Variants in SOX5 observed in about 807,000 individuals in gnomAD.
The protein encoded by SOX5 is SRY-box transcription factor 5, also known as transcription factor SOX-5.
A neutral mutation model predicts 92.0 loss-of-function variants in SOX5; 9 were observed. That is an observed-to-expected ratio of 0.10 (90% CI 0.06 to 0.17). SOX5 has a LOEUF of 0.17. Ranked by LOEUF, SOX5 falls within the 10% of genes least tolerant of loss-of-function variation. SOX5 has a pLI of 1.00. For synonymous variants in SOX5, 344 were observed against 336.3 expected, an observed-to-expected ratio of 1.02 and a Z score of -0.25; for missense variants, 642 against 944.5, an observed-to-expected ratio of 0.68 and a Z score of 4.20.
At chr12:23,620,389 C>T (rs961891500) in intron 8 of SOX5, among the ~76,000 whole-genome samples, 34 of 152,108 alleles carry the variant, frequency 2.2e-4, no homozygotes, top group African/African-American at 8.2e-4. Context: ...ACCTACAACC[C>T]ACTTTTAATT....
chr12:24,356,002 T>C (rs577233869), intron 2 of SOX5, among the ~76,000 whole-genome samples: 1 of 151,776 alleles, frequency 6.6e-6, no homozygotes, highest in Non-Finnish European at 1.5e-5. Flanking sequence ...AATTTATTCT[T>C]TGTGGATTTA....
chr12:24,083,092 A>G (rs1168218286), intron 4 of SOX5, among the ~76,000 whole-genome samples: 1 of 152,012 alleles, frequency 6.6e-6, no homozygotes, highest in Non-Finnish European at 1.5e-5. Flanking sequence ...TTGACAGCAT[A>G]TAGATTTTCA....
intron 1 of SOX5, among the ~76,000 whole-genome samples, chr12:24,463,517 T>C (rs1233674773): frequency 2.6e-5 from 4 of 152,208 alleles, no homozygotes; most frequent in Non-Finnish European, 4.4e-5. Context: ...TTTAAATTTC[T>C]AAACGCTTAC....
chr12:23,864,118 T>C (rs1161001716), intron 2 of SOX5, among the ~76,000 whole-genome samples: 1 of 152,122 alleles, frequency 6.6e-6, no homozygotes, highest in Non-Finnish European at 1.5e-5. Flanking sequence ...ATTATAATTA[T>C]TTCTACTTGG....
At chr12:24,555,120 T>C (rs1174148245) in intron 1 of SOX5, among the ~76,000 whole-genome samples, 1 of 152,216 alleles carries the variant, frequency 6.6e-6, no homozygotes, top group Non-Finnish European at 1.5e-5. Flanking sequence ...TGAGGGCCAC[T>C]TGAGTTCAGT....
intron 1 of SOX5, among the ~76,000 whole-genome samples, chr12:24,428,727 A>C (rs1233941815): frequency 8.5e-4 from 14 of 16,478 alleles, no homozygotes; most frequent in South Asian, 7.5e-3. Flanking sequence ...TCTGTTTCTC[A>C]AAAAAAAAAA....
At chr12:24,031,495 T>C (rs1189620857) in intron 4 of SOX5, among the ~76,000 whole-genome samples, 2 of 151,706 alleles carry the variant, frequency 1.3e-5, no homozygotes, top group African/African-American at 4.8e-5. Flanking sequence ...CTGACAGAAG[T>C]AGAAAGTAGA....
chr12:24,180,510 C>A (rs1223664899), intron 4 of SOX5, among the ~76,000 whole-genome samples: 1 of 152,148 alleles, frequency 6.6e-6, no homozygotes, highest in African/African-American at 2.4e-5. Context: ...GCTGTACAGA[C>A]CTTTCCCAGC....
At chr12:24,006,696 T>C (rs1203656823) in intron 4 of SOX5, among the ~76,000 whole-genome samples, 2 of 152,096 alleles carry the variant, frequency 1.3e-5, no homozygotes, top group Non-Finnish European at 2.9e-5. Context: ...GATATTACCT[T>C]TATCAGTAAT....
At chr12:24,501,186 T>C (rs1039437343) in intron 1 of SOX5, among the ~76,000 whole-genome samples, 1 of 152,172 alleles carries the variant, frequency 6.6e-6, no homozygotes, top group Non-Finnish European at 1.5e-5. Flanking sequence ...GCTTGCCACA[T>C]GAGGGGCAAA....
At chr12:24,125,809 T>C (rs879402662) in intron 4 of SOX5, among the ~76,000 whole-genome samples, 3 of 152,154 alleles carry the variant, frequency 2.0e-5, no homozygotes, top group Admixed American at 6.5e-5. Flanking sequence ...GAGCTTTCTT[T>C]TGGGGATATT....
intron 3 of SOX5, among the ~76,000 whole-genome samples, chr12:23,778,707 T>C (rs7307522): frequency 0.18 from 26,933 of 152,170 alleles, 2,829 homozygotes; most frequent in East Asian, 0.51. Flanking sequence ...CGTGGTCCTG[T>C]GCCAATGATC....
chr12:24,408,262 T>C (rs1188637975), intron 1 of SOX5, among the ~76,000 whole-genome samples: 4 of 152,126 alleles, frequency 2.6e-5, no homozygotes, highest in Admixed American at 6.5e-5. Flanking sequence ...TTACAGAAAA[T>C]GTGATGCTTT....
chr12:24,331,675 C>T (rs1951318700), intron 2 of SOX5, among the ~76,000 whole-genome samples: 1 of 151,314 alleles, frequency 6.6e-6, no homozygotes, highest in South Asian at 2.1e-4. Flanking sequence ...TCATGAAACC[C>T]CACCTCTACT....
At chr12:24,253,779 AT>A (rs1565759146) in intron 3 of SOX5, among the ~76,000 whole-genome samples, 1 of 152,142 alleles carries the variant, frequency 6.6e-6, no homozygotes, top group African/African-American at 2.4e-5. Context: ...GTTTCCTGTT[AT>A]TTACTATGGC....
At chr12:24,077,772 CATATATATATATATATAT>C (rs35914700) in intron 4 of SOX5, among the ~76,000 whole-genome samples, 1 of 116,930 alleles carries the variant, frequency 8.6e-6, no homozygotes, top group Admixed American at 8.8e-5. Context: ...AAGGTATTTT[CATATATATATATATATAT>C]ATATATATAT....
intron 3 of SOX5, among the ~76,000 whole-genome samples, chr12:24,241,375 A>G (rs1171000779): frequency 6.6e-6 from 1 of 152,218 alleles, no homozygotes; most frequent in Non-Finnish European, 1.5e-5. Flanking sequence ...TCTTTCAGTG[A>G]GAATTTAGAA....
chr12:24,095,689 G>C (rs925747469), intron 4 of SOX5, among the ~76,000 whole-genome samples: 9 of 152,044 alleles, frequency 5.9e-5, no homozygotes, highest in African/African-American at 2.2e-4. Context: ...GAATCCCCGC[G>C]TGTCAAAGGG....
intron 6 of SOX5, among the ~76,000 whole-genome samples, chr12:23,715,171 C>T (rs1460118668): frequency 4.0e-5 from 6 of 151,888 alleles, no homozygotes; most frequent in Non-Finnish European, 8.8e-5. Context: ...CGATGGCGGG[C>T]GCCTGTAGTC....
Sources: gnomAD v4.1 joint callset for allele counts (sites outside exome capture counted in the v4.1 genomes callset) on GRCh38, gnomAD v4.1.1 for gene constraint, MANE v1.5 for transcripts, NCBI Gene and HGNC (gene_info 2026-07-23, HGNC 2026-07-21) for gene names.